SKIC2: variants seen among roughly 807,000 people sequenced by gnomAD.
SKIC2 encodes the protein SKI2 subunit of superkiller complex, also known as superkiller complex protein 2.
chr6:31,962,054 G>A, the SKIC2 span: 50 of 1,612,716 alleles, frequency 3.1e-5, no homozygotes, highest in Non-Finnish European at 4.0e-5. The surrounding 1 kb of genome is among the most constrained non-coding windows in gnomAD (Gnocchi z 5.0). Context: ...CACATGACAC[G>A]GTATGAGTTC....
At chr6:31,962,584 C>T in the SKIC2 span, 37 of 1,612,184 alleles carry the variant, frequency 2.3e-5, no homozygotes, top group South Asian at 1.1e-4. This position sits in a 1 kb window ranked among gnomAD's most constrained non-coding sequence, Gnocchi z 5.0. Context: ...AGAGATCCTT[C>T]GGTGAGAGAT....
the SKIC2 span, chr6:31,962,343 C>T: frequency 2.2e-3 from 2,963 of 1,361,998 alleles, 92 homozygotes; most frequent in East Asian, 0.064. This position sits in a 1 kb window ranked among gnomAD's most constrained non-coding sequence, Gnocchi z 5.0. Context: ...AGCACCTGAG[C>T]TTCTGGGGCA....
the SKIC2 span, chr6:31,963,138 T>C: frequency 4.6e-6 from 6 of 1,308,550 alleles, no homozygotes; most frequent in Non-Finnish European, 5.5e-6. This position sits in a 1 kb window ranked among gnomAD's most constrained non-coding sequence, Gnocchi z 5.3. Context: ...GCTACAGTAC[T>C]CCTTGATTCG....
At chr6:31,967,485 C>T in the SKIC2 span, 6 of 857,436 alleles carry the variant, frequency 7.0e-6, no homozygotes, top group African/African-American at 1.7e-5. This position sits in a 1 kb window ranked among gnomAD's most constrained non-coding sequence, Gnocchi z 4.9. Context: ...CCCTCATTTT[C>T]CCCTCTTGCC....
the SKIC2 span, chr6:31,962,967 T>G: frequency 6.3e-7 from 1 of 1,588,064 alleles, no homozygotes; most frequent in African/African-American, 1.3e-5. The surrounding 1 kb of genome is among the most constrained non-coding windows in gnomAD (Gnocchi z 5.0). Flanking sequence ...GTGACCTCCC[T>G]TCCCTCTCTG....
the SKIC2 span, chr6:31,968,556 A>G: frequency 6.2e-7 from 1 of 1,603,716 alleles, no homozygotes; most frequent in South Asian, 1.1e-5. The surrounding 1 kb of genome is among the most constrained non-coding windows in gnomAD (Gnocchi z 6.1). Context: ...CCTGGGTGGT[A>G]ACTCCCAAGC....
the SKIC2 span, chr6:31,969,244 G>C: frequency 1.2e-6 from 2 of 1,611,488 alleles, no homozygotes; most frequent in South Asian, 2.2e-5. This position sits in a 1 kb window ranked among gnomAD's most constrained non-coding sequence, Gnocchi z 6.1. Flanking sequence ...TCCTGGAGCA[G>C]GAAGGCAGGC....
the SKIC2 span, chr6:31,959,336 C>T: frequency 6.2e-7 from 1 of 1,613,970 alleles, no homozygotes; most frequent in Admixed American, 1.7e-5. Context: ...CCCCTTCGGG[C>T]CGTGGAGCTC....
chr6:31,969,032 C>G, the SKIC2 span: 5 of 1,612,540 alleles, frequency 3.1e-6, no homozygotes, highest in Non-Finnish European at 4.2e-6. The surrounding 1 kb of genome is among the most constrained non-coding windows in gnomAD (Gnocchi z 6.1). Flanking sequence ...TGCTCTCTGG[C>G]CTGGTCTGCC....
At chr6:31,961,495 A>C in the SKIC2 span, 1 of 1,552,056 alleles carries the variant, frequency 6.4e-7, no homozygotes, top group Non-Finnish European at 8.7e-7. Flanking sequence ...AGGAGTGCTA[A>C]TTGAGAGCCC....
At chr6:31,961,139 T>C in the SKIC2 span, 2 of 1,610,664 alleles carry the variant, frequency 1.2e-6, no homozygotes, top group South Asian at 1.1e-5. Context: ...GTCATGTCCT[T>C]CTCCTAAGGA....
the SKIC2 span, chr6:31,961,556 A>G: frequency 6.2e-7 from 1 of 1,607,026 alleles, no homozygotes; most frequent in Admixed American, 1.7e-5. Context: ...GGAAGCGTCC[A>G]CAGCTGTATC....
the SKIC2 span, chr6:31,969,693 C>T: frequency 5.5e-5 from 88 of 1,600,156 alleles, no homozygotes; most frequent in Non-Finnish European, 7.2e-5. The surrounding 1 kb of genome is among the most constrained non-coding windows in gnomAD (Gnocchi z 6.1). Flanking sequence ...ATCGTATTTG[C>T]GGCCAGCCTC....
At chr6:31,967,300 C>T in the SKIC2 span, 20 of 1,613,038 alleles carry the variant, frequency 1.2e-5, no homozygotes, top group South Asian at 8.8e-5. The surrounding 1 kb of genome is among the most constrained non-coding windows in gnomAD (Gnocchi z 4.9). Flanking sequence ...TGTGAACGGG[C>T]TGAAGTCTCT....
the SKIC2 span, chr6:31,967,092 A>C: frequency 6.2e-7 from 1 of 1,612,876 alleles, no homozygotes; most frequent in East Asian, 2.2e-5. This position sits in a 1 kb window ranked among gnomAD's most constrained non-coding sequence, Gnocchi z 4.9. Context: ...GACCTGCCTG[A>C]ATATTACAGC....
the SKIC2 span, chr6:31,968,172 G>A: frequency 1.3e-6 from 2 of 1,562,636 alleles, no homozygotes; most frequent in Non-Finnish European, 1.8e-6. The surrounding 1 kb of genome is among the most constrained non-coding windows in gnomAD (Gnocchi z 6.1). Flanking sequence ...CAGCCTGAGG[G>A]AGACCATGAA....
the SKIC2 span, chr6:31,962,325 A>T: frequency 4.1e-6 from 5 of 1,230,814 alleles, no homozygotes; most frequent in South Asian, 6.1e-5. The surrounding 1 kb of genome is among the most constrained non-coding windows in gnomAD (Gnocchi z 5.0). Context: ...GTTTGGGTGA[A>T]GAAGAGGAGC....
chr6:31,962,442 C>T, the SKIC2 span: 1 of 1,613,732 alleles, frequency 6.2e-7, no homozygotes, highest in Non-Finnish European at 8.5e-7. The surrounding 1 kb of genome is among the most constrained non-coding windows in gnomAD (Gnocchi z 5.0). Context: ...TTCCCAGCAC[C>T]ATCTACACTT....
the SKIC2 span, chr6:31,962,820 G>A: frequency 6.4e-7 from 1 of 1,552,276 alleles, no homozygotes; most frequent in Non-Finnish European, 8.9e-7. The surrounding 1 kb of genome is among the most constrained non-coding windows in gnomAD (Gnocchi z 5.0). Flanking sequence ...GGGCTCCCCA[G>A]AACCCGGCAG....
Sources: allele counts gnomAD v4.1 joint callset, GRCh38; gene constraint gnomAD v4.1.1; non-coding constraint Gnocchi (gnomAD v3.1); transcripts MANE v1.5; gene names NCBI Gene and HGNC (gene_info 2026-07-23, HGNC 2026-07-21).